HMG20A: variants seen among roughly 807,000 people sequenced by gnomAD.
HMG20A encodes the protein high mobility group protein 20A.
A neutral mutation model predicts 43.9 loss-of-function variants in HMG20A; 17 were observed. The ratio of observed to expected loss-of-function variants is 0.39; its 90% confidence interval spans 0.27 to 0.58. The LOEUF (loss-of-function observed/expected upper bound fraction) is 0.58. Among genes scored for constraint, HMG20A ranks in the 20% least tolerant of loss-of-function variants. The pLI is 0.59. For missense variants in HMG20A, 341 were observed against 438.2 expected (o/e 0.78, Z 1.98); for synonymous variants, 132 against 147.5 (o/e 0.89, Z 0.76).
chr15:77,508,482 G>A, the HMG20A span, among the ~76,000 whole-genome samples: 3 of 152,238 alleles, frequency 2.0e-5, no homozygotes, highest in Admixed American at 2.0e-4. Context: ...ATTCAGACAA[G>A]GAAGCTGAAG....
At chr15:77,451,200 T>C (rs2142312391) in intron 1 of HMG20A, among the ~76,000 whole-genome samples, 1 of 152,348 alleles carries the variant, frequency 6.6e-6, no homozygotes, top group East Asian at 1.9e-4. Context: ...TTTTGGCAAT[T>C]ATGAATAAAG....
intron 3 of HMG20A, 108 bp downstream of exon 3, chr15:77,464,495 G>T: frequency 2.7e-6 from 3 of 1,111,960 alleles, no homozygotes; most frequent in Non-Finnish European, 3.8e-6. Context: ...TATATTCTTA[G>T]GCTGATACCT....
At chr15:77,479,071 G>A (rs1311664188) in intron 8 of HMG20A, 108 bp from the exon 9 acceptor site, 30 of 1,013,218 alleles carry the variant, frequency 3.0e-5, no homozygotes, top group Non-Finnish European at 4.4e-5. Context: ...AAAATTAAAA[G>A]CATGTCTGTG....
At chr15:77,490,908 G>A in the HMG20A span, among the ~76,000 whole-genome samples, 1 of 152,164 alleles carries the variant, frequency 6.6e-6, no homozygotes, top group Admixed American at 6.5e-5. Context: ...GAGATTCTAA[G>A]TTCAGGTCAG....
chr15:77,442,645 A>G (rs1228610173), intron 1 of HMG20A, among the ~76,000 whole-genome samples: 2 of 152,194 alleles, frequency 1.3e-5, no homozygotes, highest in African/African-American at 2.4e-5. Flanking sequence ...GAGAGAAAGA[A>G]TATATCATTA....
chr15:77,460,628 C>T (rs573611340), intron 2 of HMG20A, among the ~76,000 whole-genome samples: 2 of 152,220 alleles, frequency 1.3e-5, no homozygotes, highest in East Asian at 1.9e-4. Flanking sequence ...AAGAAATGAG[C>T]ACTCTGTAGA....
chr15:77,509,428 T>A, the HMG20A span, among the ~76,000 whole-genome samples: 1 of 151,874 alleles, frequency 6.6e-6, no homozygotes, highest in South Asian at 2.1e-4. Flanking sequence ...CTAATTTTTT[T>A]ATATTTTGTA....
At chr15:77,496,921 AAG>A in the HMG20A span, among the ~76,000 whole-genome samples, 2 of 152,216 alleles carry the variant, frequency 1.3e-5, no homozygotes, top group African/African-American at 4.8e-5. Context: ...CTTATTTCGC[AAG>A]AGAGTGATAG....
intron 1 of HMG20A, among the ~76,000 whole-genome samples, chr15:77,443,604 C>T (rs1420699258): frequency 1.3e-5 from 2 of 151,736 alleles, no homozygotes; most frequent in East Asian, 3.9e-4. Context: ...GTTGGCCAGG[C>T]TCGTCTTGAA....
chr15:77,497,283 G>A, the HMG20A span, among the ~76,000 whole-genome samples: 1 of 152,234 alleles, frequency 6.6e-6, no homozygotes, highest in Non-Finnish European at 1.5e-5. Context: ...GAGGAAGAGT[G>A]GCACTGTCTC....
chr15:77,436,947 A>G (rs12910225), intron 1 of HMG20A, among the ~76,000 whole-genome samples: 11,709 of 152,128 alleles, frequency 0.077, 585 homozygotes, highest in Non-Finnish European at 0.1. Context: ...GTTCCTGTCT[A>G]CCTGTCTTTG....
the HMG20A span, among the ~76,000 whole-genome samples, chr15:77,509,563 TGTG>T: frequency 3.8e-4 from 19 of 49,522 alleles, no homozygotes; most frequent in African/African-American, 8.8e-4. Context: ...GCCGTGTGTG[TGTG>T]TGTGTGTGTG....
chr15:77,456,191 C>T (rs914679752), intron 1 of HMG20A, among the ~76,000 whole-genome samples: 12 of 152,182 alleles, frequency 7.9e-5, no homozygotes, highest in Admixed American at 3.3e-4. Context: ...TGCCTCCCCA[C>T]GTTTCAGAAA....
At chr15:77,502,351 C>A in the HMG20A span, among the ~76,000 whole-genome samples, 1 of 152,238 alleles carries the variant, frequency 6.6e-6, no homozygotes, top group Admixed American at 6.5e-5. Context: ...CCTAAACACA[C>A]CTTGCAAACT....
At chr15:77,444,615 G>T (rs1357377917) in intron 1 of HMG20A, among the ~76,000 whole-genome samples, 1 of 152,162 alleles carries the variant, frequency 6.6e-6, no homozygotes, top group Admixed American at 6.5e-5. Context: ...GAGAACTGAG[G>T]CTCTGTGTAT....
At chr15:77,438,488 A>G (rs2073574599) in intron 1 of HMG20A, among the ~76,000 whole-genome samples, 1 of 152,162 alleles carries the variant, frequency 6.6e-6, no homozygotes, top group African/African-American at 2.4e-5. Flanking sequence ...ATATTTCACA[A>G]TATTAATGTA....
intron 1 of HMG20A, among the ~76,000 whole-genome samples, chr15:77,453,390 A>G (rs2072622774): frequency 6.6e-6 from 1 of 152,224 alleles, no homozygotes; most frequent in Non-Finnish European, 1.5e-5. Flanking sequence ...ATACCACTTC[A>G]CATCTACTAG....
chr15:77,432,572 A>C (rs2073496857), intron 1 of HMG20A, among the ~76,000 whole-genome samples: 1 of 152,146 alleles, frequency 6.6e-6, no homozygotes, highest in East Asian at 1.9e-4. Flanking sequence ...AAATACAAAA[A>C]TTAGCTGGGC....
intron 7 of HMG20A, chr15:77,478,022 C>T (rs1054916570): frequency 1.3e-5 from 7 of 526,542 alleles, no homozygotes; most frequent in Non-Finnish European, 2.0e-5. Context: ...ATTTAAAAAG[C>T]AAAAACTAAC....
Sources: allele counts gnomAD v4.1 joint callset (sites outside exome capture counted in the v4.1 genomes callset), GRCh38; gene constraint gnomAD v4.1.1; transcripts MANE v1.5; gene names NCBI Gene and HGNC (gene_info 2026-07-23, HGNC 2026-07-21).